Variants in PELI2 observed in about 807,000 individuals in gnomAD.
The protein encoded by PELI2 is E3 ubiquitin-protein ligase pellino homolog 2.
Under a neutral mutation model 42.3 loss-of-function variants are expected in PELI2, and 23 were observed. That is an observed-to-expected ratio of 0.54 (90% confidence interval 0.39 to 0.77). The LOEUF (loss-of-function observed/expected upper bound fraction) is 0.77, where lower values mean the gene tolerates loss of function less well. Ranked by LOEUF, PELI2 falls within the 30% of genes least tolerant of loss-of-function variation. The probability of loss-of-function intolerance (pLI) is 0.00; values close to 1 mark genes in which losing one functional copy is unlikely to be tolerated. For missense variants in PELI2, 463 were observed against 553.2 expected (o/e 0.84, Z 1.64); for synonymous variants, 245 against 212.2 (o/e 1.15, Z -1.34).
At chr14:56,222,600 G>A (rs1887181860) in intron 2 of PELI2, among the ~76,000 whole-genome samples, 1 of 152,206 alleles carries the variant, frequency 6.6e-6, no homozygotes, top group Non-Finnish European at 1.5e-5. Flanking sequence ...AAAATAATTT[G>A]TTTTGATGGA....
chr14:56,205,568 G>A (rs1886489186), intron 2 of PELI2, among the ~76,000 whole-genome samples: 1 of 152,124 alleles, frequency 6.6e-6, no homozygotes, highest in African/African-American at 2.4e-5. Context: ...GGGGAAGCTT[G>A]GAAGCTTAGA....
At chr14:56,239,737 C>G (rs1183769548) in intron 2 of PELI2, among the ~76,000 whole-genome samples, 1 of 152,118 alleles carries the variant, frequency 6.6e-6, no homozygotes, top group Non-Finnish European at 1.5e-5. Flanking sequence ...GACACGACCC[C>G]TCAAAGCACT....
intron 1 of PELI2, among the ~76,000 whole-genome samples, chr14:56,153,610 C>G (rs1349940449): frequency 6.6e-6 from 1 of 151,874 alleles, no homozygotes; most frequent in East Asian, 1.9e-4. Context: ...GACTAATATT[C>G]TATATAAAAG....
At chr14:56,147,180 A>G (rs974301733) in intron 1 of PELI2, among the ~76,000 whole-genome samples, 7 of 152,140 alleles carry the variant, frequency 4.6e-5, no homozygotes, top group African/African-American at 1.7e-4. Flanking sequence ...TGGCCATGCC[A>G]CATTTTGTTT....
Position 56,233,361 on chromosome 14 carries a change from A to C in PELI2, c.208-46315A>C, listed in dbSNP as rs184258818. Among the ~76,000 whole-genome samples the C allele has an allele frequency of 2.9e-4, 44 of 152,340 alleles. 1 individual carries two copies. The Middle Eastern group carries it at 0.01, about 35-fold the overall frequency. On this transcript the variant is annotated intron_variant, in intron 2 of 5. Coordinates refer to ENST00000267460, the MANE Select transcript of PELI2 (RefSeq NM_021255.3). ...GCTACCTAACTTCAAACTGTACTAC[A>C]AGTTTACAGTAACCAAAACAGCTTG...
At chr14:56,265,348 A>G (rs1888861038) in intron 2 of PELI2, among the ~76,000 whole-genome samples, 1 of 152,122 alleles carries the variant, frequency 6.6e-6, no homozygotes. Context: ...ATGGTTTTTG[A>G]CAAAGATGCA....
At chr14:56,258,083 G>A (rs1435193086) in intron 2 of PELI2, among the ~76,000 whole-genome samples, 1 of 152,180 alleles carries the variant, frequency 6.6e-6, no homozygotes, top group Non-Finnish European at 1.5e-5. Context: ...CCCACCTGTA[G>A]AGTGAAAAGA....
intron 2 of PELI2, among the ~76,000 whole-genome samples, chr14:56,188,778 G>A (rs1885858206): frequency 6.6e-6 from 1 of 152,178 alleles, no homozygotes; most frequent in African/African-American, 2.4e-5. Context: ...TTCAAATGTA[G>A]ATTTTTTGAA....
chr14:56,251,223 G>A (rs1778369187), intron 2 of PELI2, among the ~76,000 whole-genome samples: 1 of 152,240 alleles, frequency 6.6e-6, no homozygotes, highest in African/African-American at 2.4e-5. Flanking sequence ...AGGGCCATCG[G>A]CAGAGGCTCC....
chr14:56,192,560 C>T (rs1885986967), intron 2 of PELI2, among the ~76,000 whole-genome samples: 1 of 152,074 alleles, frequency 6.6e-6, no homozygotes, highest in African/African-American at 2.4e-5. Flanking sequence ...ACTGGATGTC[C>T]CCTGGAGGGC....
intron 2 of PELI2, among the ~76,000 whole-genome samples, chr14:56,250,557 G>A (rs558233148): frequency 1.3e-5 from 2 of 152,280 alleles, no homozygotes; most frequent in East Asian, 3.9e-4. Context: ...AACCACTGAT[G>A]TAAGTCCAAG....
At chr14:56,128,909 G>A (rs975640865) in intron 1 of PELI2, among the ~76,000 whole-genome samples, 1 of 152,040 alleles carries the variant, frequency 6.6e-6, no homozygotes. Flanking sequence ...GGTTTTTGTG[G>A]GGAGGGAGGG....
chr14:56,231,352 C>T (rs55916872), intron 2 of PELI2, among the ~76,000 whole-genome samples: 60,876 of 152,042 alleles, frequency 0.4, 12,989 homozygotes, highest in South Asian at 0.53. Context: ...GACCACATAG[C>T]TGGAAGTAAA....
At chr14:56,160,871 G>C (rs1471967014) in intron 1 of PELI2, among the ~76,000 whole-genome samples, 2 of 152,198 alleles carry the variant, frequency 1.3e-5, no homozygotes, top group African/African-American at 2.4e-5. Flanking sequence ...GTTTAGGTAA[G>C]TTCACAGCAT....
intron 2 of PELI2, among the ~76,000 whole-genome samples, chr14:56,218,169 C>T (rs1182839743): frequency 1.3e-5 from 2 of 152,186 alleles, no homozygotes; most frequent in Non-Finnish European, 2.9e-5. Flanking sequence ...TGATTTTGTC[C>T]CTTCCTTGGC....
At chr14:56,220,719 G>A (rs1319292717) in intron 2 of PELI2, among the ~76,000 whole-genome samples, 1 of 152,122 alleles carries the variant, frequency 6.6e-6, no homozygotes, top group African/African-American at 2.4e-5. Context: ...GAAAAGCCAG[G>A]TGTCTGCATA....
chr14:56,143,364 T>G (rs1329789193), intron 1 of PELI2, among the ~76,000 whole-genome samples: 3 of 152,250 alleles, frequency 2.0e-5, no homozygotes, highest in Non-Finnish European at 4.4e-5. Flanking sequence ...TGATGTCTGC[T>G]TAATTCTTCT....
At chr14:56,198,889 G>A (rs1381353568) in intron 2 of PELI2, among the ~76,000 whole-genome samples, 1 of 151,988 alleles carries the variant, frequency 6.6e-6, no homozygotes, top group Non-Finnish European at 1.5e-5. Flanking sequence ...ATCTACTCTG[G>A]ATTTTTGACA....
intron 1 of PELI2, among the ~76,000 whole-genome samples, chr14:56,173,138 C>T (rs570035939): frequency 3.2e-4 from 48 of 152,306 alleles, no homozygotes; most frequent in African/African-American, 1.1e-3. Flanking sequence ...CATGCCTCCC[C>T]CCGGATGTCC....
Sources: gnomAD v4.1 joint callset for allele counts (sites outside exome capture counted in the v4.1 genomes callset) on GRCh38, gnomAD v4.1.1 for gene constraint, MANE v1.5 for transcripts, NCBI Gene and HGNC (gene_info 2026-07-23, HGNC 2026-07-21) for gene names.